The following DMD variants were observed in gnomAD, a reference collection of about 807,000 sequenced individuals.
DMD encodes dystrophin.
A neutral mutation model predicts 330.1 loss-of-function variants in DMD; 63 were observed. The ratio of observed to expected loss-of-function variants is 0.19; its 90% CI spans 0.16 to 0.24. The LOEUF (loss-of-function observed/expected upper bound fraction) is 0.24, where lower values mean the gene tolerates loss of function less well. DMD is among the 10% of genes least tolerant of loss of function. The pLI, the probability that DMD is intolerant of heterozygous loss-of-function variation, is 1.00. For missense variants in DMD, 3,344 were observed against 2,684.1 expected, an observed-to-expected ratio of 1.25 and a Z score of -5.43; for synonymous variants, 1,223 against 959.8, an observed-to-expected ratio of 1.27 and a Z score of -5.07.
chrX:32,770,223 G>C (rs1394011482), intron 7 of DMD, among the ~76,000 whole-genome samples: 1 of 111,642 alleles, frequency 9.0e-6, no homozygotes, highest in African/African-American at 3.3e-5. Context: ...AACACTAATT[G>C]TGGTGGCATG....
chrX:32,574,068 G>A (rs746301713), intron 13 of DMD, among the ~76,000 whole-genome samples: 16 of 111,910 alleles, frequency 1.4e-4, no homozygotes, highest in African/African-American at 5.2e-4. Flanking sequence ...AAAGAGACAA[G>A]CAATATGAAG....
chrX:32,555,900 A>G lies in DMD; in HGVS notation c.1992+9802T>C, dbSNP rs752092193. Among the ~76,000 whole-genome samples, 8 of 112,232 alleles carry G rather than the reference A, an allele frequency of 7.1e-5. No individual in the cohort carries two copies. The South Asian group carries it at 3.0e-3, about 42-fold the overall frequency. ...AAACCTAGGTAATAAGATTCAGGAC[A>G]TAGGCATGGGCAAAGGTTTCATGAG... On this transcript the variant is annotated intron_variant, in intron 16 of 78. Transcript: ENST00000357033.
chrX:31,442,325 G>A (rs1438011599), intron 60 of DMD, among the ~76,000 whole-genome samples: 3 of 111,016 alleles, frequency 2.7e-5, no homozygotes, highest in Non-Finnish European at 3.8e-5. Context: ...ACAATAACAC[G>A]GTCAAATAAT....
intron 1 of DMD, among the ~76,000 whole-genome samples, chrX:33,291,747 T>A (rs1441714506): frequency 1.8e-5 from 2 of 111,107 alleles, no homozygotes; most frequent in Non-Finnish European, 3.8e-5. Context: ...AAAATCCTAC[T>A]ACATATATTG....
intron 13 of DMD, among the ~76,000 whole-genome samples, chrX:32,576,340 C>A (rs1028951198): frequency 3.6e-5 from 4 of 111,327 alleles, no homozygotes; most frequent in Non-Finnish European, 7.5e-5. Flanking sequence ...AGTTGGGAAC[C>A]TTTTCACATA....
chrX:32,747,358 G>A (rs775715777), intron 7 of DMD, among the ~76,000 whole-genome samples: 12 of 112,266 alleles, frequency 1.1e-4, no homozygotes, highest in Non-Finnish European at 1.5e-4. Flanking sequence ...GTTGGAGAAC[G>A]AGTACCATCA....
intron 1 of DMD, among the ~76,000 whole-genome samples, chrX:33,180,594 G>A (rs896300758): frequency 1.8e-5 from 2 of 111,242 alleles, no homozygotes; most frequent in Admixed American, 1.9e-4. Context: ...TGACAGTTTT[G>A]GGTTGAACTT....
intron 71 of DMD, among the ~76,000 whole-genome samples, chrX:31,174,522 G>A (rs2040321866): frequency 9.0e-6 from 1 of 110,781 alleles, no homozygotes; most frequent in Non-Finnish European, 1.9e-5. Context: ...TTTAGGCTTG[G>A]ACTTTTTCTT....
chrX:33,247,019 A>C (rs140381213), intron 1 of DMD, among the ~76,000 whole-genome samples: 1,908 of 111,884 alleles, frequency 0.017, 38 homozygotes, highest in African/African-American at 0.059. Context: ...TTTAGTACTT[A>C]AACAAAGCCT....
rs199774174 is a variant in DMD at position 32,863,537 on chromosome X, T to TACACACACACACAC, written c.94-13731_94-13718dup. On this transcript the variant is annotated intron_variant, in intron 2 of 78. Transcript: ENST00000357033. Reference sequence around the variant, plus strand: ...AAAAAAAAAAAAAAGATTGTGTTTATACACACACACACACACACACACACA... The same window carrying TACACACACACACAC: ...AAAAAAAAAAAAAAGATTGTGTTTATACACACACACACACACACACACACACACACACACACACA... Among the ~76,000 whole-genome samples, 531 of 78,203 alleles carry TACACACACACACAC rather than the reference T, an allele frequency of 6.8e-3. 8 individuals are homozygous for TACACACACACACAC. Among genetic ancestry groups the TACACACACACACAC allele is most frequent in the African/African-American group, 0.025 (399 of 15,920 alleles). 67.9% of individuals were successfully genotyped at this position (78,203 alleles called of 115,157 possible).
chrX:32,794,447 G>T (rs2076042670), intron 7 of DMD, among the ~76,000 whole-genome samples: 1 of 111,094 alleles, frequency 9.0e-6, no homozygotes, highest in African/African-American at 3.3e-5. Flanking sequence ...AAATTAGCCG[G>T]GCATGGTGGC....
intron 63 of DMD, among the ~76,000 whole-genome samples, chrX:31,251,807 ATCT>A (rs1220429183): frequency 8.9e-6 from 1 of 112,452 alleles, no homozygotes; most frequent in African/African-American, 3.2e-5. Context: ...TGCAAAAATC[ATCT>A]TCTGCAGATC....
intron 60 of DMD, among the ~76,000 whole-genome samples, chrX:31,394,854 T>G (rs1273096888): frequency 1.8e-5 from 2 of 110,378 alleles, no homozygotes; most frequent in African/African-American, 6.6e-5. Context: ...ACAGATTTTT[T>G]TTATGATCTC....
At chrX:33,285,245 AGTC>A (rs1258587847) in intron 1 of DMD, among the ~76,000 whole-genome samples, 1 of 111,974 alleles carries the variant, frequency 8.9e-6, no homozygotes, top group Non-Finnish European at 1.9e-5. Context: ...ATAATGAACC[AGTC>A]ATTATTCTTC....
chrX:33,081,318 G>A (rs771981776), intron 1 of DMD, among the ~76,000 whole-genome samples: 4 of 111,582 alleles, frequency 3.6e-5, no homozygotes, highest in Non-Finnish European at 5.7e-5. Flanking sequence ...CTGTCACCCA[G>A]GCTGGAGTGC....
intron 29 of DMD, among the ~76,000 whole-genome samples, chrX:32,434,650 T>G (rs2098252262): frequency 8.9e-6 from 1 of 111,914 alleles, no homozygotes; most frequent in Admixed American, 9.5e-5. Flanking sequence ...GAAACAACAG[T>G]CTTTTTAACT....
At chrX:33,116,547 G>C (rs902538706) in intron 1 of DMD, among the ~76,000 whole-genome samples, 1 of 111,285 alleles carries the variant, frequency 9.0e-6, no homozygotes, top group African/African-American at 3.3e-5. Flanking sequence ...AGCACAGCAC[G>C]TGCTCTCAGG....
At chrX:33,277,553 G>A (rs1352603077) in intron 1 of DMD, among the ~76,000 whole-genome samples, 2 of 110,667 alleles carry the variant, frequency 1.8e-5, no homozygotes, top group Non-Finnish European at 3.8e-5. Flanking sequence ...TGAGATGCAT[G>A]CCCTGGAAAT....
chrX:31,749,328 G>A (rs1445068318), intron 51 of DMD, among the ~76,000 whole-genome samples: 12 of 81,732 alleles, frequency 1.5e-4, no homozygotes, highest in Admixed American at 3.4e-4. Flanking sequence ...AGAGTGTGAT[G>A]TTCCCCTTCC....
Sources: allele counts gnomAD v4.1 joint callset (sites outside exome capture counted in the v4.1 genomes callset), GRCh38; gene constraint gnomAD v4.1.1; transcripts MANE v1.5; gene names NCBI Gene and HGNC (gene_info 2026-07-23, HGNC 2026-07-21).